FMN2: variants seen among roughly 807,000 people sequenced by gnomAD.
FMN2 encodes formin-2.
In FMN2, 51 loss-of-function variants were observed where a neutral mutation model predicts 142.3. The ratio of observed to expected loss-of-function variants is 0.36; its 90% CI spans 0.29 to 0.45. The LOEUF (loss-of-function observed/expected upper bound fraction) is 0.45, where lower values mean the gene tolerates loss of function less well. FMN2 is among the 20% of genes least tolerant of loss of function. The pLI is 1.00. For missense variants in FMN2, 1,936 were observed against 2,122.8 expected (o/e 0.91, Z 1.73); for synonymous variants, 882 against 869.8 (o/e 1.01, Z -0.25).
intron 8 of FMN2, among the ~76,000 whole-genome samples, chr1:240,322,536 TC>T (rs1449002153): frequency 6.6e-6 from 1 of 152,088 alleles, no homozygotes; most frequent in Non-Finnish European, 1.5e-5. Context: ...TCACAGAACT[TC>T]CAGTCTCTGT....
chr1:240,105,059 C>T (rs1661552697), intron 1 of FMN2, among the ~76,000 whole-genome samples: 1 of 146,600 alleles, frequency 6.8e-6, no homozygotes, highest in African/African-American at 2.5e-5. Flanking sequence ...TGAGTAGGTA[C>T]TGTCAGATTA....
intron 13 of FMN2, among the ~76,000 whole-genome samples, chr1:240,347,056 G>T (rs1287126012): frequency 1.3e-5 from 2 of 152,166 alleles, no homozygotes; most frequent in African/African-American, 4.8e-5. Context: ...TGAGTACTTA[G>T]AGAAACATAA....
chr1:240,462,140 T>C (rs1676469639), intron 16 of FMN2, among the ~76,000 whole-genome samples: 1 of 152,188 alleles, frequency 6.6e-6, no homozygotes, highest in African/African-American at 2.4e-5. Context: ...CATGTAGCCA[T>C]CATTTCTCTT....
intron 15 of FMN2, among the ~76,000 whole-genome samples, chr1:240,431,506 A>G (rs9659244): frequency 0.013 from 1,989 of 150,492 alleles, 49 homozygotes; most frequent in African/African-American, 0.044. Flanking sequence ...TTTCAGTACA[A>G]TGTTGAATAG....
chr1:240,159,941 A>ATATATATATATATATATTTGTG (rs1433691714), intron 2 of FMN2, among the ~76,000 whole-genome samples: 1 of 112,888 alleles, frequency 8.9e-6, no homozygotes, highest in Non-Finnish European at 1.9e-5. Flanking sequence ...ATTTGTGTAT[A>ATATATATATATATATATTTGTG]TATATATATC....
rs1484637637 is a variant in FMN2, at chr1:240,473,960, T to G, written c.5143-168T>G. On this transcript the variant is annotated intron_variant, in intron 17 of 17. Coordinates refer to ENST00000319653, the MANE Select transcript of FMN2 (RefSeq NM_020066.5). This position sits in a 1 kb window ranked among gnomAD's most constrained non-coding sequence, Gnocchi z 4.3. ...TTGTCTTGATAAAAGTGCTCAAAGA[T>G]AACACAGATCCCACTTATACTTTTT... 3.7e-5 allele frequency among the ~76,000 whole-genome samples: 3 copies of G among 80,632 alleles called. No homozygotes were observed. In the Admixed American group the frequency reaches 4.9e-4, roughly 13 times the overall value. 52.9% of individuals were successfully genotyped at this position (80,632 alleles called of 152,430 possible). A position where few individuals can be genotyped will look rare whatever the true frequency, so the allele number is the denominator to read the frequency against.
intron 15 of FMN2, among the ~76,000 whole-genome samples, chr1:240,424,142 A>G (rs1572292911): frequency 1.3e-5 from 2 of 152,342 alleles, no homozygotes. Flanking sequence ...GTGTCTGTGT[A>G]TACATACATA....
intron 16 of FMN2, among the ~76,000 whole-genome samples, chr1:240,443,397 C>T (rs1675690807): frequency 6.6e-6 from 1 of 152,280 alleles, no homozygotes; most frequent in Admixed American, 6.5e-5. Flanking sequence ...CACTGAGCAA[C>T]ACAAAACATG....
chr1:240,170,152 C>CT (rs1202094844), intron 2 of FMN2: 2 of 806,136 alleles, frequency 2.5e-6, no homozygotes, highest in Non-Finnish European at 4.1e-6. Flanking sequence ...TCCCTGGCGC[C>CT]GACCAGAACC....
intron 16 of FMN2, among the ~76,000 whole-genome samples, chr1:240,459,735 A>G (rs1296214018): frequency 9.2e-6 from 1 of 108,282 alleles, no homozygotes; most frequent in African/African-American, 4.4e-5. Context: ...AAAAAAAAAA[A>G]AAAAAAAAAA....
intron 2 of FMN2, among the ~76,000 whole-genome samples, chr1:240,142,512 G>A (rs1287022501): frequency 2.6e-5 from 1 of 37,886 alleles, no homozygotes; most frequent in Non-Finnish European, 5.6e-5. Context: ...TTTTGGGGGG[G>A]GATAAAGGTC....
intron 4 of FMN2, among the ~76,000 whole-genome samples, chr1:240,196,522 T>C (rs1171168827): frequency 6.6e-6 from 1 of 152,116 alleles, no homozygotes; most frequent in Non-Finnish European, 1.5e-5. Flanking sequence ...TTGTTTGTTT[T>C]TGTTTTGATA....
intron 6 of FMN2, among the ~76,000 whole-genome samples, chr1:240,218,150 G>A (rs12566298): frequency 0.037 from 5,676 of 152,086 alleles, 140 homozygotes; most frequent in Non-Finnish European, 0.053. Context: ...GGGCGTGATG[G>A]CATGCGCCTG....
chr1:240,209,631 G>A (rs1328613389), intron 5 of FMN2, among the ~76,000 whole-genome samples: 2 of 150,870 alleles, frequency 1.3e-5, no homozygotes, highest in Non-Finnish European at 1.5e-5. Context: ...CTGTCCGGGT[G>A]CGGTGGCTCA....
At position 240,438,137 on chromosome 1, in the gene FMN2, A is replaced by G; in HGVS notation, c.4987A>G (p.Ser1663Gly). Residue 1663 changes from serine (S) to glycine (G), a missense_variant, in exon 16 of 18, where the codon AGT becomes GGT. Transcript: ENST00000319653. ...EKEVSPNAFF[S>G]IWHEFSSDFK... is the part of the protein sequence containing the mutation. The stretch of plus-strand genomic sequence containing the variant: ...GGAGGTGTCCCCAAATGCTTTCTTC[A>G]GTATCTGGCATGAATTCAGCTCTGA... The G allele has an allele frequency of 1.2e-6, 2 of 1,614,178 alleles. No individual in the cohort carries two copies. The highest frequency in any genetic ancestry group is 8.5e-7 in the Non-Finnish European group (1 of 1,180,002).
chr1:240,295,581 T>G (rs1558417895), intron 8 of FMN2, among the ~76,000 whole-genome samples: 1 of 152,212 alleles, frequency 6.6e-6, no homozygotes, highest in Non-Finnish European at 1.5e-5. Context: ...TCCATGATGT[T>G]GCAAATGGCA....
chr1:240,276,350 T>A (rs10926195), intron 7 of FMN2, among the ~76,000 whole-genome samples: 16 of 151,930 alleles, frequency 1.1e-4, no homozygotes, highest in East Asian at 1.9e-4. Context: ...TATATGACCC[T>A]GGAAGGCATG....
chr1:240,235,371 T>A (rs887483083), intron 6 of FMN2, among the ~76,000 whole-genome samples: 1 of 152,128 alleles, frequency 6.6e-6, no homozygotes, highest in African/African-American at 2.4e-5. Context: ...ACGCTCCTTT[T>A]ATTTGGATCA....
intron 15 of FMN2, among the ~76,000 whole-genome samples, chr1:240,415,088 G>T (rs542360689): frequency 5.3e-5 from 8 of 152,210 alleles, no homozygotes; most frequent in African/African-American, 1.9e-4. Context: ...GAAATGGCTG[G>T]AAAACTTTTT....
Sources: allele counts gnomAD v4.1 joint callset (sites outside exome capture counted in the v4.1 genomes callset), GRCh38; gene constraint gnomAD v4.1.1; non-coding constraint Gnocchi (gnomAD v3.1); transcripts MANE v1.5; gene names NCBI Gene and HGNC (gene_info 2026-07-23, HGNC 2026-07-21).